The following VEGFC variants were observed in gnomAD, a reference collection of about 807,000 sequenced individuals.
VEGFC encodes the protein FLT4 ligand DHM.
VEGFC carries 12 observed loss-of-function variants against 46.1 expected under a neutral mutation model. The ratio of observed to expected loss-of-function variants is 0.26; its 90% CI spans 0.17 to 0.42. The LOEUF (loss-of-function observed/expected upper bound fraction) is 0.42. VEGFC is among the 10% of genes least tolerant of loss of function. VEGFC has a pLI of 1.00. For synonymous variants in VEGFC, 232 were observed against 195.5 expected, an observed-to-expected ratio of 1.19 and a Z score of -1.56; for missense variants, 488 against 529.4, an observed-to-expected ratio of 0.92 and a Z score of 0.77.
At chr4:176,696,349 CAGAG>C (rs1287817717) in intron 4 of VEGFC, among the ~76,000 whole-genome samples, 13 of 151,526 alleles carry the variant, frequency 8.6e-5, no homozygotes, top group Non-Finnish European at 5.9e-5. Flanking sequence ...AACAGACAAA[CAGAG>C]AGCCAAATCA....
intron 3 of VEGFC, among the ~76,000 whole-genome samples, chr4:176,720,272 C>T (rs953452699): frequency 6.6e-6 from 1 of 152,064 alleles, no homozygotes; most frequent in Non-Finnish European, 1.5e-5. Context: ...TGACATTTAT[C>T]AGAATGATGC....
chr4:176,755,437 A>G (rs1437729086), intron 1 of VEGFC, among the ~76,000 whole-genome samples: 1 of 151,994 alleles, frequency 6.6e-6, no homozygotes, highest in Non-Finnish European at 1.5e-5. Context: ...ACACTGTTTC[A>G]TAGAGTCCCC....
chr4:176,692,253 G>T (rs1734203994), intron 4 of VEGFC, among the ~76,000 whole-genome samples: 1 of 139,818 alleles, frequency 7.2e-6, no homozygotes, highest in African/African-American at 3.1e-5. Context: ...AATTAGCCGG[G>T]CGTAGTGGCG....
intron 1 of VEGFC, among the ~76,000 whole-genome samples, chr4:176,743,138 G>T (rs1436837155): frequency 1.3e-5 from 2 of 151,966 alleles, no homozygotes; most frequent in Non-Finnish European, 2.9e-5. Flanking sequence ...AGGTAGACCT[G>T]GGCAAACACC....
intron 1 of VEGFC, among the ~76,000 whole-genome samples, chr4:176,764,999 G>A (rs542808597): frequency 2.8e-4 from 42 of 152,120 alleles, no homozygotes; most frequent in African/African-American, 9.4e-4. Flanking sequence ...CTTGAGCCCA[G>A]AAATTCAAGA....
intron 1 of VEGFC, among the ~76,000 whole-genome samples, chr4:176,769,087 T>C (rs1455473054): frequency 6.6e-6 from 1 of 152,132 alleles, no homozygotes; most frequent in Non-Finnish European, 1.5e-5. Flanking sequence ...TGGGAGAGCC[T>C]GCTTCCTCCT....
At chr4:176,746,689 G>C (rs1735262656) in intron 1 of VEGFC, among the ~76,000 whole-genome samples, 1 of 152,080 alleles carries the variant, frequency 6.6e-6, no homozygotes. Context: ...ACAGCCTTTT[G>C]ATTGGTTGAT....
At position 176,768,859 on chromosome 4, in the gene VEGFC, C is replaced by T. The variant is rs76799634; in HGVS notation, c.147+23306G>A. ...CTTTACCCTGAAACTCCAGTAAAGG[C>T]TGTGGCATAAGCTCTCTCCTCTTTC... On this transcript the variant is annotated intron_variant, in intron 1 of 6. Coordinates refer to ENST00000618562, the MANE Select transcript of VEGFC (RefSeq NM_005429.5). Among the ~76,000 whole-genome samples the T allele has an allele frequency of 4.7e-4, 71 of 152,214 alleles. No homozygotes were observed. The East Asian group carries it at 0.012, about 26-fold the overall frequency.
chr4:176,766,098 G>A (rs897336885), intron 1 of VEGFC, among the ~76,000 whole-genome samples: 2 of 152,040 alleles, frequency 1.3e-5, no homozygotes, highest in African/African-American at 4.8e-5. Flanking sequence ...AGGAAGATAT[G>A]CAAGGTCTCT....
chr4:176,729,317 T>C (rs1381183197), intron 2 of VEGFC, among the ~76,000 whole-genome samples: 2 of 152,230 alleles, frequency 1.3e-5, no homozygotes. Context: ...GTGTTGTTTA[T>C]GCATGGACCT....
At chr4:176,754,969 G>C (rs1162951506) in intron 1 of VEGFC, among the ~76,000 whole-genome samples, 1 of 152,026 alleles carries the variant, frequency 6.6e-6, no homozygotes, top group East Asian at 1.9e-4. Context: ...CACAGGGTCT[G>C]CACCAACATA....
intron 3 of VEGFC, among the ~76,000 whole-genome samples, chr4:176,726,411 T>G (rs1734873755): frequency 6.2e-5 from 1 of 16,196 alleles, no homozygotes; most frequent in Non-Finnish European, 5.3e-3. Context: ...AAGCATCACC[T>G]TTTAATTTTT....
At chr4:176,733,827 TA>T (rs1168029899) in intron 1 of VEGFC, among the ~76,000 whole-genome samples, 1 of 151,828 alleles carries the variant, frequency 6.6e-6, no homozygotes, top group Non-Finnish European at 1.5e-5. Context: ...AAATTTCATC[TA>T]AAAACTTAAA....
intron 1 of VEGFC, among the ~76,000 whole-genome samples, chr4:176,773,513 A>G (rs1434516435): frequency 6.6e-6 from 1 of 152,180 alleles, no homozygotes; most frequent in Non-Finnish European, 1.5e-5. Context: ...AAAATAATAA[A>G]TGTCTTCCTA....
At chr4:176,787,472 A>AG (rs1335889625) in intron 1 of VEGFC, among the ~76,000 whole-genome samples, 1 of 150,502 alleles carries the variant, frequency 6.6e-6, no homozygotes, top group East Asian at 1.9e-4. Context: ...AAAAAAAAAA[A>AG]AGGAAAGAAA....
intron 1 of VEGFC, among the ~76,000 whole-genome samples, chr4:176,784,750 C>A: frequency 3.2e-5 from 2 of 62,804 alleles, no homozygotes; most frequent in Non-Finnish European, 2.7e-5. Context: ...GAGCCAGAGT[C>A]TGTCTCAAAA....
Position 176,730,831 on chromosome 4 carries a change from A to T in VEGFC, c.148-1085T>A, listed in dbSNP as rs181211215. On this transcript the variant is annotated intron_variant, in intron 1 of 6. Coordinates refer to ENST00000618562, the MANE Select transcript of VEGFC (RefSeq NM_005429.5). ...GTATTTTTCACTTCTATTTTTAATA[A>T]TCGAAGTTATTCTATGTAAGTGATT... Among the ~76,000 whole-genome samples, 11 of 152,238 alleles carry T rather than the reference A, an allele frequency of 7.2e-5. No individual in the cohort carries two copies. In the East Asian group the frequency reaches 2.1e-3, roughly 29 times the overall value.
intron 1 of VEGFC, among the ~76,000 whole-genome samples, chr4:176,783,906 A>G (rs1735954796): frequency 6.6e-6 from 1 of 152,186 alleles, no homozygotes; most frequent in Non-Finnish European, 1.5e-5. Context: ...AAGGTGCTGA[A>G]GAATCACAGT....
At chr4:176,762,189 G>T (rs996132252) in intron 1 of VEGFC, among the ~76,000 whole-genome samples, 4 of 152,222 alleles carry the variant, frequency 2.6e-5, no homozygotes, top group South Asian at 2.1e-4. Context: ...TTATTTCTTG[G>T]TATAGTTTGA....
Sources: allele counts gnomAD v4.1 joint callset (sites outside exome capture counted in the v4.1 genomes callset), GRCh38; gene constraint gnomAD v4.1.1; transcripts MANE v1.5; gene names NCBI Gene and HGNC (gene_info 2026-07-23, HGNC 2026-07-21).